Variants in TTC22 observed in about 807,000 individuals in gnomAD.
TTC22 encodes the protein tetratricopeptide repeat protein 22.
A neutral mutation model predicts 48.2 loss-of-function variants in TTC22; 42 were observed. That is an observed-to-expected ratio of 0.87 (90% CI 0.68 to 1.13). The LOEUF is 1.13. Among genes scored for constraint, TTC22 ranks in the 50% most tolerant of loss-of-function variants. TTC22 has a pLI of 0.00. For missense variants in TTC22, 784 were observed against 807.0 expected, an observed-to-expected ratio of 0.97 and a Z score of 0.34; for synonymous variants, 345 against 365.5, an observed-to-expected ratio of 0.94 and a Z score of 0.64.
In TTC22 at chr1:54,780,938, G is replaced by GT. The variant is rs1646256546; in HGVS notation, c.*304_*305insA. The stretch of plus-strand genomic sequence containing the variant: ...TAGCTGTCTTCTGTTTCTCTCAGAA[G>GT]CCTCACAACCATCTTATTTTACCTG... On this transcript the variant is annotated 3_prime_UTR_variant, in exon 7 of 7. Transcript: ENST00000371276. The GT allele has an allele frequency of 3.7e-6, 1 of 268,462 alleles. No homozygotes were observed. Among genetic ancestry groups the GT allele is most frequent in the Non-Finnish European group, 7.0e-6 (1 of 143,176 alleles). 16.6% of individuals were successfully genotyped at this position (268,462 alleles called of 1,614,324 possible). A position where few individuals can be genotyped will look rare whatever the true frequency, so the allele number is the denominator to read the frequency against.
chr1:54,786,419 A>T (rs1646301946), intron 4 of TTC22: 1 of 376,622 alleles, frequency 2.7e-6, no homozygotes, highest in South Asian at 3.4e-5. Context: ...GCCCAGTCAG[A>T]CCCCTCCTTC....
chr1:54,797,822 G>A lies in TTC22; in HGVS notation c.567+2775C>T, dbSNP rs542444600. Among the ~76,000 whole-genome samples, 4 of 152,302 alleles carry A rather than the reference G, an allele frequency of 2.6e-5. No homozygotes were observed. In the East Asian group the frequency reaches 7.7e-4, roughly 29 times the overall value. On this transcript the variant is annotated intron_variant, in intron 1 of 6. Coordinates refer to ENST00000371276, the MANE Select transcript of TTC22 (RefSeq NM_001114108.2). ...AGTTTAGGTTAGCAGATGAGCAGCTGTTCACAGTTCTTCAGCAGCTCTTTG... is the reference window on the plus strand; with the variant it reads ...AGTTTAGGTTAGCAGATGAGCAGCTATTCACAGTTCTTCAGCAGCTCTTTG...
rs1480423863 is a variant in TTC22 at position 54,782,308 on chromosome 1, C to T, written c.1173+17G>A. ...GATTCTTGCTCAGCTATTGGCTAAG[C>T]CAAGAGACTGCCTTACCTGGCCGAT... On this transcript the variant is annotated intron_variant, in intron 6 of 6. Transcript: ENST00000371276. 6.6e-7 allele frequency: 1 copy of T among 1,521,694 alleles called. No homozygotes were observed. 94.3% of individuals were successfully genotyped at this position (1,521,694 alleles called of 1,614,324 possible).
intron 5 of TTC22, among the ~76,000 whole-genome samples, chr1:54,782,758 C>T (rs1007230745): frequency 7.2e-5 from 11 of 152,146 alleles, no homozygotes; most frequent in African/African-American, 2.7e-4. Context: ...GTATTGAGTG[C>T]CCACCATGTG....
At chr1:54,798,052 A>G (rs1646406012) in intron 1 of TTC22, among the ~76,000 whole-genome samples, 1 of 152,186 alleles carries the variant, frequency 6.6e-6, no homozygotes, top group Non-Finnish European at 1.5e-5. Context: ...TTAGATTTCC[A>G]GGAGTACGCC....
Position 54,800,736 on chromosome 1 carries a change from T to C in TTC22, c.428A>G (p.Gln143Arg), listed in dbSNP as rs1466052554. 7 of 1,545,942 alleles carry C rather than the reference T, an allele frequency of 4.5e-6. No homozygotes were observed. The highest frequency in any genetic ancestry group is 5.2e-6 in the Non-Finnish European group (6 of 1,150,358). ...AEEPEAAGDPQLRAARCLAEQ... is the reference protein window; with the variant it reads ...AEEPEAAGDPRLRAARCLAEQ... ...GGCCAGGCAGCGAGCGGCGCGGAGC[T>C]GGGGGTCCCCGGCGGCCTCGGGCTC... Residue 143 changes from glutamine to arginine, a missense_variant, in exon 1 of 7, where the codon CAG (glutamine) becomes CGG (arginine). Physicochemically the swap from Gln to Arg is conservative, Grantham distance 43. Coordinates refer to ENST00000371276, the MANE Select transcript of TTC22 (RefSeq NM_001114108.2).
At chr1:54,797,325 A>G (rs1033947404) in intron 1 of TTC22, among the ~76,000 whole-genome samples, 1 of 152,088 alleles carries the variant, frequency 6.6e-6, no homozygotes, top group Non-Finnish European at 1.5e-5. Flanking sequence ...GGAGGAGGGG[A>G]GTGATCAAAG....
At chr1:54,792,436 T>C (rs896828142) in intron 1 of TTC22, among the ~76,000 whole-genome samples, 28 of 151,308 alleles carry the variant, frequency 1.9e-4, no homozygotes, top group African/African-American at 6.8e-4. Flanking sequence ...AGACTGTCTC[T>C]CTCTCTTTTT....
chr1:54,792,443 T>C (rs189627282), intron 1 of TTC22, among the ~76,000 whole-genome samples: 38 of 145,082 alleles, frequency 2.6e-4, no homozygotes, highest in East Asian at 9.8e-4. Flanking sequence ...CTCTCTCTCT[T>C]TTTTTTTTTT....
At chr1:54,799,978 G>A (rs1446319978) in intron 1 of TTC22, among the ~76,000 whole-genome samples, 2 of 152,184 alleles carry the variant, frequency 1.3e-5, no homozygotes, top group African/African-American at 4.8e-5. Flanking sequence ...TGAGCACGGG[G>A]GAGCTGGAAT....
rs138637416 is a variant in TTC22 at position 54,787,055 on chromosome 1, C to T, written c.760G>A (p.Gly254Arg). 27 of 1,532,004 alleles carry T rather than the reference C, an allele frequency of 1.8e-5. No individual in the cohort carries two copies. The highest frequency in any genetic ancestry group is 1.0e-4 in the South Asian group (8 of 80,192). 94.9% of individuals were successfully genotyped at this position (1,532,004 alleles called of 1,614,324 possible). A position where few individuals can be genotyped will look rare whatever the true frequency, so the allele number is the denominator to read the frequency against. Residue 254 changes from glycine (G) to arginine (R), a missense_variant, in exon 4 of 7, where the codon GGG becomes AGG. Gly to Arg is a moderately radical substitution (Grantham distance 125). Coordinates refer to ENST00000371276, the MANE Select transcript of TTC22 (RefSeq NM_001114108.2). ...RHRALAWCYLGMLLERKDTFS... is the reference protein window; with the variant it reads ...RHRALAWCYLRMLLERKDTFS... ...GTGTCCTTCCGCTCCAGCAGCATCCCGAGGTAGCACCAGGCCAGGGCTGGG... is the reference window on the plus strand; with the variant it reads ...GTGTCCTTCCGCTCCAGCAGCATCCTGAGGTAGCACCAGGCCAGGGCTGGG...
At chr1:54,799,974 C>T (rs749985161) in intron 1 of TTC22, among the ~76,000 whole-genome samples, 4 of 152,114 alleles carry the variant, frequency 2.6e-5, no homozygotes, top group Non-Finnish European at 4.4e-5. Context: ...TGAGTGAGCA[C>T]GGGGGAGCTG....
chr1:54,798,029 A>G (rs1484633746), intron 1 of TTC22, among the ~76,000 whole-genome samples: 1 of 151,842 alleles, frequency 6.6e-6, no homozygotes, highest in Non-Finnish European at 1.5e-5. Flanking sequence ...CTCTCTCTCC[A>G]TACTCCTCTG....
At position 54,800,790 on chromosome 1, in the gene TTC22, C is replaced by T. The variant is rs1570124261; in HGVS notation, c.374G>A (p.Arg125Gln). 2 of 1,568,136 alleles carry T rather than the reference C, an allele frequency of 1.3e-6. No individual in the cohort carries two copies. The highest frequency in any genetic ancestry group is 8.6e-7 in the Non-Finnish European group (1 of 1,159,068). Reference sequence around the variant, plus strand: ...TGCCAGGCCCATGAGGTCGGCCAGCCGTGCGGCGCACGCCTCCTCCTCTTC... The same window carrying T: ...TGCCAGGCCCATGAGGTCGGCCAGCTGTGCGGCGCACGCCTCCTCCTCTTC... Reference protein sequence around the residue: ...QEEEEEACAARLADLMGLAEE... With the variant: ...QEEEEEACAAQLADLMGLAEE... The change falls in exon 1 of 7, where the codon CGG (arginine) becomes CAG (glutamine). Residue 125 changes from arginine to glutamine, a missense_variant. Physicochemically the swap from Arg to Gln is conservative, Grantham distance 43. Coordinates refer to ENST00000371276, the MANE Select transcript of TTC22 (RefSeq NM_001114108.2).
intron 1 of TTC22, among the ~76,000 whole-genome samples, chr1:54,798,726 G>A (rs1646410933): frequency 6.6e-6 from 1 of 152,214 alleles, no homozygotes; most frequent in Non-Finnish European, 1.5e-5. Context: ...CATAGTAGGT[G>A]TTCAATAAAT....
At position 54,786,963 on chromosome 1, in the gene TTC22, G is replaced by A. The variant is rs1420445146; in HGVS notation, c.852C>T (p.Phe284=). 6 of 1,508,878 alleles carry A rather than the reference G, an allele frequency of 4.0e-6. No homozygotes were observed. Among genetic ancestry groups the A allele is most frequent in the Non-Finnish European group, 4.5e-6 (5 of 1,122,506 alleles). 93.5% of individuals were successfully genotyped at this position (1,508,878 alleles called of 1,614,324 possible). The stretch of plus-strand genomic sequence containing the variant: ...TGTGGCTGGGGGCAAGTACCTTGCC[G>A]AAGCAGTCTAGAGGGTCGGTCCCTG... ...GYSGTDPLDC[F]GKAIEIAKNQ... The change falls in exon 4 of 7, where the codon TTC becomes TTT. Residue 284 remains phenylalanine, a synonymous_variant. Transcript: ENST00000371276.
chr1:54,788,072 C>G lies in TTC22; in HGVS notation c.593G>C (p.Trp198Ser). The change falls in exon 2 of 7, where the codon TGG becomes TCG. Residue 198 changes from tryptophan (W) to serine (S), a missense_variant. Physicochemically the swap from Trp to Ser is radical, Grantham distance 177. Transcript: ENST00000371276. ...GTAGAGTGTTGCCATGGTGAAATAC[C>G]AGCCCCTTTTCTCCTCCATCGGGAT... The part of the protein sequence containing the change: ...QQIPMEEKRG[W>S]YFTMATLYIR... The G allele has an allele frequency of 5.6e-6, 9 of 1,614,030 alleles. No individual in the cohort carries two copies. The highest frequency in any genetic ancestry group is 7.6e-6 in the Non-Finnish European group (9 of 1,179,964).
intron 1 of TTC22, among the ~76,000 whole-genome samples, chr1:54,791,048 T>C (rs1011848192): frequency 2.0e-5 from 3 of 152,056 alleles, no homozygotes; most frequent in African/African-American, 7.2e-5. Flanking sequence ...TTAGTAGAGA[T>C]GGGGTTTCGC....
chr1:54,788,860 T>C (rs1267989060), intron 1 of TTC22, among the ~76,000 whole-genome samples: 1 of 152,130 alleles, frequency 6.6e-6, no homozygotes, highest in Non-Finnish European at 1.5e-5. Flanking sequence ...TGAGCACCTA[T>C]GGCATAAGGT....
Sources: gnomAD v4.1 joint callset for allele counts (sites outside exome capture counted in the v4.1 genomes callset) on GRCh38, gnomAD v4.1.1 for gene constraint, MANE v1.5 for transcripts, NCBI Gene and HGNC (gene_info 2026-07-23, HGNC 2026-07-21) for gene names.